Variants in TRMT61B observed in about 807,000 individuals in gnomAD.
The protein encoded by TRMT61B is tRNA methyltransferase 61B, also known as tRNA (adenine(58)-N(1))-methyltransferase, mitochondrial.
Under a neutral mutation model 52.0 loss-of-function variants are expected in TRMT61B, and 56 were observed. That is an observed-to-expected ratio of 1.08 (90% CI 0.87 to 1.35). The LOEUF (loss-of-function observed/expected upper bound fraction) is 1.35, where lower values mean the gene tolerates loss of function less well. Ranked by LOEUF, TRMT61B falls within the 40% of genes most tolerant of loss-of-function variation. The pLI is 0.00. For missense variants in TRMT61B, 650 were observed against 577.9 expected, an observed-to-expected ratio of 1.12 and a Z score of -1.28; for synonymous variants, 206 against 220.0, an observed-to-expected ratio of 0.94 and a Z score of 0.56.
Position 28,869,882 on chromosome 2 carries a change from G to A in TRMT61B, c.396C>T (p.Thr132=), listed in dbSNP as rs1173130521. The change falls in exon 1 of 7, where the codon ACC becomes ACT. Residue 132 remains threonine (T), a synonymous_variant. Coordinates refer to ENST00000306108, the MANE Select transcript of TRMT61B (RefSeq NM_017910.4). ...GGGAGACGTGACGCTCTTCGACCTCGGTAGCGGACTGGGCCTGCGAGAGCA... is the reference window on the plus strand; with the variant it reads ...GGGAGACGTGACGCTCTTCGACCTCAGTAGCGGACTGGGCCTGCGAGAGCA... ...PSMLSQAQSA[T]EVEERHVSPS... 1.2e-6 allele frequency: 2 copies of A among 1,614,030 alleles called. No homozygotes were observed. The highest frequency in any genetic ancestry group is 1.7e-6 in the Non-Finnish European group (2 of 1,180,026).
intron 3 of TRMT61B, among the ~76,000 whole-genome samples, chr2:28,856,188 T>C (rs1669332186): frequency 6.6e-6 from 1 of 152,236 alleles, no homozygotes; most frequent in Non-Finnish European, 1.5e-5. Context: ...GTCATCATTT[T>C]CTTTTTTCAA....
chr2:28,866,364 C>T (rs1034881194), intron 1 of TRMT61B, among the ~76,000 whole-genome samples: 9 of 152,230 alleles, frequency 5.9e-5, no homozygotes, highest in Admixed American at 5.9e-4. Flanking sequence ...ACTAGGGACC[C>T]GTTTCGTGGA....
At position 28,851,231 on chromosome 2, in the gene TRMT61B, TC is replaced by T; in HGVS notation, c.1152del (p.Ile385Ter). On this transcript the variant is annotated frameshift_variant, in exon 5 of 7. Coordinates refer to ENST00000306108, the MANE Select transcript of TRMT61B (RefSeq NM_017910.4). LOFTEE classifies it high-confidence loss of function. Reference protein sequence around the residue: ...RTCELALSCEKISEVIVRDWL... With the variant: ...RTCELALSCEXISEVIVRDWL... ...CAATCTCTGACAATGACCTCGCTTA[TC>T]TTTTCACATGAAAGAGCAAGTTCAC... The T allele has an allele frequency of 6.2e-7, 1 of 1,613,940 alleles. No homozygotes were observed. Among genetic ancestry groups the T allele is most frequent in the Non-Finnish European group, 8.5e-7 (1 of 1,179,918 alleles).
intron 3 of TRMT61B, among the ~76,000 whole-genome samples, chr2:28,852,738 C>G (rs1237286409): frequency 4.0e-5 from 6 of 151,838 alleles, no homozygotes; most frequent in African/African-American, 7.3e-5. Flanking sequence ...GCAAGAGGAT[C>G]CATTTGAGGC....
chr2:28,852,860 G>A (rs1669182329), intron 3 of TRMT61B, among the ~76,000 whole-genome samples: 1 of 152,000 alleles, frequency 6.6e-6, no homozygotes, highest in Admixed American at 6.6e-5. Flanking sequence ...TCAGGAAGCT[G>A]AGGTGGGAGG....
chr2:28,862,039 T>C (rs1418875886), intron 2 of TRMT61B: 3 of 151,016 alleles, frequency 2.0e-5, no homozygotes, highest in Non-Finnish European at 2.9e-5. Context: ...CTGTCTCTAC[T>C]AAAAAAAATA....
intron 2 of TRMT61B, 39 bp from the exon 3 acceptor site, chr2:28,861,347 C>T: frequency 1.4e-6 from 2 of 1,467,314 alleles, no homozygotes; most frequent in South Asian, 2.8e-5. Context: ...TAATATTAAT[C>T]AGTTTATTAA....
chr2:28,864,085 T>C (rs530753612), intron 2 of TRMT61B, among the ~76,000 whole-genome samples: 2 of 152,266 alleles, frequency 1.3e-5, no homozygotes, highest in East Asian at 3.9e-4. Context: ...GCAGTACTTT[T>C]ACCAACTGAC....
At chr2:28,860,712 C>A (rs1287528845) in intron 3 of TRMT61B, among the ~76,000 whole-genome samples, 1 of 152,176 alleles carries the variant, frequency 6.6e-6, no homozygotes, top group East Asian at 1.9e-4. Flanking sequence ...CTTCAACTAA[C>A]TAAAGATGCC....
intron 5 of TRMT61B, 72 bp from the exon 6 acceptor site, chr2:28,850,477 T>C (rs969055794): frequency 1.0e-6 from 1 of 994,528 alleles, no homozygotes; most frequent in African/African-American, 1.7e-5. Flanking sequence ...ACTGTTAAAA[T>C]ATGAGTTACT....
chr2:28,865,906 C>G (rs1338372534), intron 1 of TRMT61B, among the ~76,000 whole-genome samples: 1 of 151,556 alleles, frequency 6.6e-6, no homozygotes, highest in African/African-American at 2.4e-5. Flanking sequence ...GTCTTGAACT[C>G]CTGACCTCAG....
At chr2:28,865,949 G>A (rs1669825013) in intron 1 of TRMT61B, among the ~76,000 whole-genome samples, 1 of 151,400 alleles carries the variant, frequency 6.6e-6, no homozygotes, top group African/African-American at 2.4e-5. Context: ...CCACAGTGCT[G>A]GGATTACAGG....
In TRMT61B at chr2:28,850,158, T is replaced by C. The variant is rs751909108; in HGVS notation, c.*41A>G. 9 of 1,567,326 alleles carry C rather than the reference T, an allele frequency of 5.7e-6. 1 individual carries two copies. The South Asian group carries it at 8.0e-5, about 14-fold the overall frequency. On this transcript the variant is annotated 3_prime_UTR_variant, in exon 7 of 7. Transcript: ENST00000306108. Reference sequence around the variant, plus strand: ...TTTTCAATATAAAGTTCTATTTTGATATTTTTCCATCTTCAAGTCAGTTAC... The same window carrying C: ...TTTTCAATATAAAGTTCTATTTTGACATTTTTCCATCTTCAAGTCAGTTAC...
chr2:28,853,767 C>T (rs1004333634), intron 3 of TRMT61B, among the ~76,000 whole-genome samples: 1 of 151,776 alleles, frequency 6.6e-6, no homozygotes, highest in Non-Finnish European at 1.5e-5. Context: ...ACCCGGGAGG[C>T]AGAGGTTGCA....
rs1669582800 is a variant in TRMT61B at position 28,861,172 on chromosome 2, A to G, written c.939T>C (p.Ile313=). 1 of 1,611,482 alleles carries G rather than the reference A, an allele frequency of 6.2e-7. No individual in the cohort carries two copies. The highest frequency in any genetic ancestry group is 1.7e-5 in the Admixed American group (1 of 59,246). ...CGGTTGCTCCTGAAATGTCCTTATG[A>G]ATAAAATCCACATTGTCTGGCCACT... ...VEEWPDNVDF[I]HKDISGATED... The change falls in exon 3 of 7, where the codon ATT becomes ATC. Residue 313 remains isoleucine (I), a synonymous_variant. Transcript: ENST00000306108.
intron 3 of TRMT61B, among the ~76,000 whole-genome samples, chr2:28,859,759 G>A (rs1669518122): frequency 1.3e-5 from 2 of 152,104 alleles, no homozygotes; most frequent in Non-Finnish European, 2.9e-5. Flanking sequence ...CCTTTGTTGT[G>A]TTTCATGCTC....
At chr2:28,862,700 G>A (rs556714524) in intron 2 of TRMT61B, among the ~76,000 whole-genome samples, 62 of 151,566 alleles carry the variant, frequency 4.1e-4, no homozygotes, top group Middle Eastern at 3.4e-3. Flanking sequence ...ATATTTAAAA[G>A]GTATTTGTGG....
At chr2:28,852,769 G>A (rs1490310552) in intron 3 of TRMT61B, among the ~76,000 whole-genome samples, 1 of 151,730 alleles carries the variant, frequency 6.6e-6, no homozygotes, top group African/African-American at 2.4e-5. Context: ...AACAGCCCAG[G>A]CAACATAGCG....
chr2:28,853,531 T>G (rs910127140), intron 3 of TRMT61B, among the ~76,000 whole-genome samples: 5 of 152,202 alleles, frequency 3.3e-5, no homozygotes, highest in Non-Finnish European at 7.3e-5. Flanking sequence ...TATTTCAGCT[T>G]TGGCAACAGA....
Sources: gnomAD v4.1 joint callset for allele counts (sites outside exome capture counted in the v4.1 genomes callset) on GRCh38, gnomAD v4.1.1 for gene constraint, MANE v1.5 for transcripts, NCBI Gene and HGNC (gene_info 2026-07-23, HGNC 2026-07-21) for gene names.